Variants in BRCA2 observed in about 807,000 individuals in gnomAD.
The protein encoded by BRCA2 is breast cancer type 2 susceptibility protein.
In BRCA2, 203 loss-of-function variants were observed where a neutral mutation model predicts 276.7. The ratio of observed to expected loss-of-function variants is 0.73; its 90% CI spans 0.65 to 0.82. The LOEUF (loss-of-function observed/expected upper bound fraction) is 0.82. Ranked by LOEUF, BRCA2 falls within the 40% of genes least tolerant of loss-of-function variation. The probability of loss-of-function intolerance (pLI) is 0.00; values close to 1 mark genes in which losing one functional copy is unlikely to be tolerated. For synonymous variants in BRCA2, 1,289 were observed against 1,338.4 expected (o/e 0.96, Z 0.81); for missense variants, 3,920 against 3,915.0 (o/e 1.00, Z -0.03).
At position 32,316,386 on chromosome 13, in the gene BRCA2, C is replaced by G. The variant is rs183997506; in HGVS notation, c.-39-36C>G. 243 of 1,273,958 alleles carry G rather than the reference C, an allele frequency of 1.9e-4. No individual in the cohort carries two copies. Among genetic ancestry groups the G allele is most frequent in the Non-Finnish European group, 2.5e-4 (215 of 874,874 alleles). The allele number at this position is 1,273,958 out of a possible 1,614,324, so 78.9% of individuals were successfully genotyped here. A position where few individuals can be genotyped will look rare whatever the true frequency, so the allele number is the denominator to read the frequency against. Reference sequence around the variant, plus strand: ...CTCAGTCACATAATAAGGAATGCATCCCTGTGTAAGTGCATTTTGGTCTTC... The same window carrying G: ...CTCAGTCACATAATAAGGAATGCATGCCTGTGTAAGTGCATTTTGGTCTTC... On this transcript the variant is annotated intron_variant, in intron 1 of 26. Coordinates refer to ENST00000380152, the MANE Select transcript of BRCA2 (RefSeq NM_000059.4).
At chr13:32,383,528 G>A (rs913961661) in intron 24 of BRCA2, among the ~76,000 whole-genome samples, 6 of 152,276 alleles carry the variant, frequency 3.9e-5, no homozygotes, top group African/African-American at 9.6e-5. Flanking sequence ...TTTTTCAACC[G>A]TGTTCAGCTC....
chr13:32,394,560 G>T (rs2073019472), intron 24 of BRCA2, 129 bp from the exon 25 acceptor site: 2 of 1,199,640 alleles, frequency 1.7e-6, no homozygotes, highest in African/African-American at 3.1e-5. Context: ...GCCAAATTCA[G>T]CTATTTTGAT....
At chr13:32,390,368 G>A (rs989993548) in intron 24 of BRCA2, among the ~76,000 whole-genome samples, 7 of 151,954 alleles carry the variant, frequency 4.6e-5, no homozygotes, top group Non-Finnish European at 7.4e-5. Flanking sequence ...GAGGCGGCTC[G>A]CAAGGCTAGG....
rs1057522119 is a variant in BRCA2 at position 32,341,206 on chromosome 13, C to A, written c.6841+10C>A. 6.2e-7 allele frequency: 1 copy of A among 1,613,660 alleles called. No individual in the cohort carries two copies. The highest frequency in any genetic ancestry group is 1.1e-5 in the South Asian group (1 of 90,906). On this transcript the variant is annotated intron_variant, in intron 11 of 26. Transcript: ENST00000380152. ...CCCCTTATCTTAGTGGGTAAGTGTT[C>A]ATTTTTACCTTTCGTGTTGCCAATC...
Position 32,379,195 on chromosome 13 carries a change from A to G in BRCA2, c.8755-122A>G, listed in dbSNP as rs531203160. ...ATTATGTGAGAAACTGATTACATTA[A>G]CCACACCCTTAAGATGAGCTCTAAT... On this transcript the variant is annotated intron_variant, in intron 21 of 26. Coordinates refer to ENST00000380152, the MANE Select transcript of BRCA2 (RefSeq NM_000059.4). 82 of 881,336 alleles carry G rather than the reference A, an allele frequency of 9.3e-5. 1 individual carries two copies. In the South Asian group the frequency reaches 1.2e-3, roughly 13 times the overall value. 54.6% of individuals were successfully genotyped at this position (881,336 alleles called of 1,614,324 possible).
At chr13:32,366,163 T>A (rs1418186724) in intron 18 of BRCA2, among the ~76,000 whole-genome samples, 1 of 152,224 alleles carries the variant, frequency 6.6e-6, no homozygotes, top group East Asian at 1.9e-4. Flanking sequence ...TAGAGCATAA[T>A]CATACCAAGA....
intron 13 of BRCA2, among the ~76,000 whole-genome samples, chr13:32,348,722 T>C (rs1451072818): frequency 6.6e-6 from 1 of 151,692 alleles, no homozygotes; most frequent in African/African-American, 2.4e-5. Context: ...ACTTAAGAAA[T>C]AAGAATTCAA....
chr13:32,363,040 T>A (rs2072751963), intron 17 of BRCA2, 139 bp from the exon 18 acceptor site: 2 of 784,242 alleles, frequency 2.6e-6, no homozygotes, highest in Non-Finnish European at 2.0e-6. Context: ...AAACAATATA[T>A]TCCTAGCTAC....
intron 21 of BRCA2, among the ~76,000 whole-genome samples, chr13:32,378,177 A>AT (rs2072886683): frequency 6.6e-6 from 1 of 152,172 alleles, no homozygotes; most frequent in Admixed American, 6.5e-5. Context: ...ATTTAACAAT[A>AT]TTTTTTTGTC....
At chr13:32,362,431 A>G in intron 16 of BRCA2, 92 bp from the exon 17 acceptor site, 3 of 1,235,622 alleles carry the variant, frequency 2.4e-6, no homozygotes, top group Middle Eastern at 2.1e-4. Flanking sequence ...ATCTTGAACA[A>G]TGTAGTTTTT....
At chr13:32,371,232 C>T (rs2072832320) in intron 20 of BRCA2, 132 bp downstream of exon 20, 3 of 914,568 alleles carry the variant, frequency 3.3e-6, no homozygotes, top group Non-Finnish European at 4.9e-6. Context: ...TTTTTAGTAT[C>T]TAGGGTATTC....
chr13:32,338,859 C>A lies in BRCA2; in HGVS notation c.4504C>A (p.Gln1502Lys), dbSNP rs1060502425. 1 of 1,613,860 alleles carries A rather than the reference C, an allele frequency of 6.2e-7. No individual in the cohort carries two copies. The highest frequency in any genetic ancestry group is 8.5e-7 in the Non-Finnish European group (1 of 1,179,868). Residue 1502 changes from glutamine to lysine, a missense_variant, in exon 11 of 27, where the codon CAA becomes AAA. Physicochemically the swap from Gln to Lys is moderately conservative, Grantham distance 53 (BLOSUM62 1). Coordinates refer to ENST00000380152, the MANE Select transcript of BRCA2 (RefSeq NM_000059.4). ...AAGTGTCCCAGTTGGTACTGGAAAT[C>A]AACTAGTGACCTTCCAGGGACAACC... ...KESVPVGTGN[Q>K]LVTFQGQPER...
In BRCA2 at chr13:32,340,666, A is replaced by G. The variant is rs1394782776; in HGVS notation, c.6311A>G (p.Lys2104Arg). The G allele has an allele frequency of 6.2e-7, 1 of 1,607,742 alleles. No individual in the cohort carries two copies. The highest frequency in any genetic ancestry group is 2.2e-5 in the East Asian group (1 of 44,792). ...YSPTSRQNVS[K>R]ILPRVDKRNP... is the part of the protein sequence containing the mutation. ...CCTACGTCTAGACAAAATGTATCAA[A>G]AATACTTCCTCGTGTTGATAAGAGA... The change falls in exon 11 of 27, where the codon AAA becomes AGA. Residue 2104 changes from lysine to arginine, a missense_variant. This residue lies in a region of BRCA2 where 3,263 missense variants were observed against 3,156.9 expected (regional missense o/e 1.03). Coordinates refer to ENST00000380152, the MANE Select transcript of BRCA2 (RefSeq NM_000059.4).
rs772146565 is a variant in BRCA2, at chr13:32,319,087, A to G, written c.78A>G (p.Pro26=). 3 of 1,612,712 alleles carry G rather than the reference A, an allele frequency of 1.9e-6. No homozygotes were observed. The highest frequency in any genetic ancestry group is 2.5e-6 in the Non-Finnish European group (3 of 1,178,912). Residue 26 remains proline, a synonymous_variant, in exon 3 of 27, where the codon CCA becomes CCG. Transcript: ENST00000380152. The part of the protein sequence containing the change: ...KTRCNKADLG[P]ISLNWFEELS... ...TTTTTTTTTAAATAGATTTAGGACC[A>G]ATAAGTCTTAATTGGTTTGAAGAAC... is the stretch of plus-strand genomic sequence containing the variant.
rs1381809570 is a variant in BRCA2, at chr13:32,332,453, T to A, written c.975T>A (p.Thr325=). 1 of 1,591,722 alleles carries A rather than the reference T, an allele frequency of 6.3e-7. No homozygotes were observed. Among genetic ancestry groups the A allele is most frequent in the East Asian group, 2.2e-5 (1 of 44,754 alleles). Reference sequence around the variant, plus strand: ...CAAAAAATCTACAAAAAGTAAGAACTAGCAAGACTAGGAAAAAAATTTTCC... The same window carrying A: ...CAAAAAATCTACAAAAAGTAAGAACAAGCAAGACTAGGAAAAAAATTTTCC... The part of the protein sequence containing the change: ...CRTKNLQKVR[T]SKTRKKIFHE... The change falls in exon 10 of 27, where the codon ACT becomes ACA. Residue 325 remains threonine (T), a synonymous_variant. Coordinates refer to ENST00000380152, the MANE Select transcript of BRCA2 (RefSeq NM_000059.4).
Position 32,376,798 on chromosome 13 carries a change from G to C in BRCA2, c.8754+7G>C, listed in dbSNP as rs1555288182. On this transcript the variant is annotated splice_region_variant and intron_variant, in intron 21 of 26. Transcript: ENST00000380152. ...AGACCCAGCTTACCTTGAGGTGAGA[G>C]AGTAAGAGGACATATAATGAGGCTT... 1.2e-6 allele frequency: 2 copies of C among 1,613,946 alleles called. No individual in the cohort carries two copies. The highest frequency in any genetic ancestry group is 1.7e-6 in the Non-Finnish European group (2 of 1,179,916).
At chr13:32,345,716 AATTT>A (rs1257874280) in intron 12 of BRCA2, among the ~76,000 whole-genome samples, 1 of 152,072 alleles carries the variant, frequency 6.6e-6, no homozygotes, top group African/African-American at 2.4e-5. Context: ...CTAAACACGA[AATTT>A]ATTTAAGTTT....
intron 13 of BRCA2, among the ~76,000 whole-genome samples, chr13:32,350,678 A>T (rs2072642605): frequency 6.6e-6 from 1 of 152,074 alleles, no homozygotes; most frequent in Non-Finnish European, 1.5e-5. Flanking sequence ...GCATCAACCC[A>T]GGAGGCGGAG....
In BRCA2 at chr13:32,379,795, T is replaced by G. The variant is rs80359151; in HGVS notation, c.8999T>G (p.Leu3000Ter). 6.2e-7 allele frequency: 1 copy of G among 1,612,560 alleles called. No homozygotes were observed. The highest frequency in any genetic ancestry group is 1.7e-5 in the Admixed American group (1 of 60,000). Residue 3000 changes from leucine to a stop codon, truncating the protein, a stop_gained, in exon 23 of 27, where the codon TTA becomes TGA. Coordinates refer to ENST00000380152, the MANE Select transcript of BRCA2 (RefSeq NM_000059.4). LOFTEE classifies it high-confidence loss of function. ...CCATCATCAGATTTATATTCTCTGTTAACAGAAGGAAAGAGATACAGAATT... is the reference window on the plus strand; with the variant it reads ...CCATCATCAGATTTATATTCTCTGTGAACAGAAGGAAAGAGATACAGAATT... ...WRPSSDLYSL[L>*]TEGKRYRIYH...
Sources: allele counts gnomAD v4.1 joint callset (sites outside exome capture counted in the v4.1 genomes callset), GRCh38; gene constraint gnomAD v4.1.1; regional missense constraint gnomAD v4.1.1; transcripts MANE v1.5; gene names NCBI Gene and HGNC (gene_info 2026-07-23, HGNC 2026-07-21).